The following ZSWIM6 variants were observed in gnomAD, a reference collection of about 807,000 sequenced individuals.
The protein encoded by ZSWIM6 is zinc finger SWIM-type containing 6, also known as zinc finger SWIM domain-containing protein 6.
A neutral mutation model predicts 113.2 loss-of-function variants in ZSWIM6; 9 were observed. That is an observed-to-expected ratio of 0.08 (90% CI 0.05 to 0.14). The LOEUF is 0.14. Among genes scored for constraint, ZSWIM6 ranks in the 10% least tolerant of loss-of-function variants. The probability of loss-of-function intolerance (pLI) is 1.00; values close to 1 mark genes in which losing one functional copy is unlikely to be tolerated. For missense variants in ZSWIM6, 1,162 were observed against 1,552.2 expected (o/e 0.75, Z 4.22); for synonymous variants, 611 against 606.5 (o/e 1.01, Z -0.11).
intron 2 of ZSWIM6, among the ~76,000 whole-genome samples, chr5:61,475,034 A>G (rs1016356232): frequency 1.3e-5 from 2 of 152,336 alleles, no homozygotes; most frequent in African/African-American, 4.8e-5. Flanking sequence ...TTTTTCAAGT[A>G]GGCTTCTGCT....
chr5:61,437,093 G>C (rs1202061290), intron 1 of ZSWIM6, among the ~76,000 whole-genome samples: 1 of 152,092 alleles, frequency 6.6e-6, no homozygotes, highest in African/African-American at 2.4e-5. Context: ...AAGCAAAAAG[G>C]GTTCTGCAAC....
intron 1 of ZSWIM6, among the ~76,000 whole-genome samples, chr5:61,403,181 ACT>A (rs1745974210): frequency 6.6e-6 from 1 of 152,178 alleles, no homozygotes; most frequent in African/African-American, 2.4e-5. Flanking sequence ...TCTTGAGGTA[ACT>A]CTAGTCCTTT....
chr5:61,354,731 T>G lies in ZSWIM6; in HGVS notation c.676+21783T>G, dbSNP rs572016185. Among the ~76,000 whole-genome samples the G allele has an allele frequency of 6.6e-5, 10 of 152,318 alleles. No homozygotes were observed. In the South Asian group the frequency reaches 2.1e-3, roughly 32 times the overall value. On this transcript the variant is annotated intron_variant, in intron 1 of 13. Transcript: ENST00000252744. ...AATTTAAATTCATACATCACTTGAT[T>G]CTAGAGTAAACCATTATCATACCCT...
At position 61,472,583 on chromosome 5, in the gene ZSWIM6, T is replaced by C. The variant is rs1428743457; in HGVS notation, c.677-98T>C. The C allele has an allele frequency of 1.7e-5, 16 of 940,056 alleles. No individual in the cohort carries two copies. The highest frequency in any genetic ancestry group is 1.4e-5 in the Non-Finnish European group (9 of 661,400). 58.2% of individuals were successfully genotyped at this position (940,056 alleles called of 1,614,324 possible). On this transcript the variant is annotated intron_variant, in intron 1 of 13. Transcript: ENST00000252744. This position sits in a 1 kb window ranked among gnomAD's most constrained non-coding sequence, Gnocchi z 4.1. ...ATATAGAGGCTGTCATATTTTTTTC[T>C]TGCTGCTGTCAAGTCCCACACATTT...
chr5:61,435,648 G>T (rs1392585764), intron 1 of ZSWIM6, among the ~76,000 whole-genome samples: 1 of 152,164 alleles, frequency 6.6e-6, no homozygotes, highest in Non-Finnish European at 1.5e-5. Flanking sequence ...TTTAAATCAG[G>T]ATAACTATTC....
intron 9 of ZSWIM6, 24 bp downstream of exon 9, chr5:61,531,749 A>T: frequency 6.5e-7 from 1 of 1,548,420 alleles, no homozygotes; most frequent in Non-Finnish European, 8.7e-7. Flanking sequence ...GAAGTTTTCC[A>T]CTTATTTAGC....
intron 1 of ZSWIM6, among the ~76,000 whole-genome samples, chr5:61,353,020 TC>T (rs950609178): frequency 6.6e-6 from 1 of 152,126 alleles, no homozygotes; most frequent in African/African-American, 2.4e-5. Context: ...AACTTTTTTT[TC>T]CCCGTCTGTT....
chr5:61,369,194 A>G (rs1215035657), intron 1 of ZSWIM6, among the ~76,000 whole-genome samples: 1 of 152,214 alleles, frequency 6.6e-6, no homozygotes, highest in Non-Finnish European at 1.5e-5. Context: ...CTGAAGACCC[A>G]GTGACTTTAA....
intron 1 of ZSWIM6, among the ~76,000 whole-genome samples, chr5:61,393,035 A>G (rs1745757471): frequency 6.6e-6 from 1 of 151,104 alleles, no homozygotes; most frequent in African/African-American, 2.4e-5. Context: ...ACCTTTTTAT[A>G]TTTATTTATT....
intron 1 of ZSWIM6, among the ~76,000 whole-genome samples, chr5:61,429,688 T>G (rs547146191): frequency 6.6e-6 from 1 of 152,162 alleles, no homozygotes; most frequent in Admixed American, 6.5e-5. Flanking sequence ...AGCCGTCCTG[T>G]GTGTGTATGT....
At chr5:61,347,642 A>G (rs900785972) in intron 1 of ZSWIM6, 11 of 152,266 alleles carry the variant, frequency 7.2e-5, no homozygotes, top group African/African-American at 2.7e-4. Context: ...CGTGCTTATG[A>G]AAATCCAGGA....
chr5:61,380,839 G>A (rs562716634), intron 1 of ZSWIM6, among the ~76,000 whole-genome samples: 4 of 152,150 alleles, frequency 2.6e-5, no homozygotes, highest in South Asian at 4.1e-4. Context: ...GGTGGCTCAC[G>A]CCTATAGTCC....
chr5:61,428,748 A>G (rs1746516980), intron 1 of ZSWIM6, among the ~76,000 whole-genome samples: 2 of 152,226 alleles, frequency 1.3e-5, no homozygotes, highest in Non-Finnish European at 2.9e-5. Flanking sequence ...GTCCCATTTC[A>G]TTAGATATCT....
chr5:61,341,184 C>T (rs1006598711), intron 1 of ZSWIM6, among the ~76,000 whole-genome samples: 1 of 152,074 alleles, frequency 6.6e-6, no homozygotes, highest in African/African-American at 2.4e-5. Context: ...CAAATTGTCC[C>T]ATCTAAATGG....
chr5:61,436,423 A>G (rs1202150663), intron 1 of ZSWIM6, among the ~76,000 whole-genome samples: 1 of 152,120 alleles, frequency 6.6e-6, no homozygotes, highest in Non-Finnish European at 1.5e-5. Context: ...TTTGCTAGGT[A>G]GGTGTCACAC....
At chr5:61,529,940 G>C (rs1364491346) in intron 7 of ZSWIM6, 112 bp from the exon 8 acceptor site, 2 of 934,100 alleles carry the variant, frequency 2.1e-6, no homozygotes, top group African/African-American at 1.7e-5. Context: ...ACAGAATTCA[G>C]AACTGGTTTA....
In ZSWIM6 at chr5:61,332,281, G is replaced by T; in HGVS notation, c.9G>T (p.Glu3Asp). The T allele has an allele frequency of 7.7e-6, 9 of 1,166,002 alleles. No homozygotes were observed. The highest frequency in any genetic ancestry group is 9.5e-6 in the Non-Finnish European group (9 of 943,978). 72.2% of individuals were successfully genotyped at this position (1,166,002 alleles called of 1,614,324 possible). Reference protein sequence around the residue: MAERGQQPPPAKR... With the variant: MADRGQQPPPAKR... ...TTAGAAGCGGCGCGGTCATGGCGGA[G>T]CGCGGACAGCAGCCTCCTCCCGCGA... is the stretch of plus-strand genomic sequence containing the variant. The change falls in exon 1 of 14, where the codon GAG becomes GAT. Residue 3 changes from glutamate to aspartate, a missense_variant. Around this residue, in one of 4 missense-constraint regions of ZSWIM6, gnomAD observed 333 missense variants for 293.4 expected, o/e 1.13. Coordinates refer to ENST00000252744, the MANE Select transcript of ZSWIM6 (RefSeq NM_020928.2).
In ZSWIM6 at chr5:61,531,681, C is replaced by T. The variant is rs1255535979; in HGVS notation, c.2201C>T (p.Thr734Ile). 2 of 1,551,696 alleles carry T rather than the reference C, an allele frequency of 1.3e-6. No homozygotes were observed. The highest frequency in any genetic ancestry group is 1.2e-5 in the South Asian group (1 of 84,064). The change falls in exon 9 of 14, where the codon ACA (threonine) becomes ATA (isoleucine). Residue 734 changes from threonine (T) to isoleucine (I), a missense_variant. Physicochemically the swap from Thr to Ile is moderately conservative, Grantham distance 89 (BLOSUM62 -1). Around this residue, in one of 4 missense-constraint regions of ZSWIM6, gnomAD observed 620 missense variants for 804.6 expected, o/e 0.77. Coordinates refer to ENST00000252744, the MANE Select transcript of ZSWIM6 (RefSeq NM_020928.2). Reference sequence around the variant, plus strand: ...CTTCAGGAAATTGAATTGGATGACACACTGGTGAAAATTTTTCGCAAGCAA... The same window carrying T: ...CTTCAGGAAATTGAATTGGATGACATACTGGTGAAAATTTTTCGCAAGCAA... ...SKLQEIELDDTLVKIFRKQAV... is the reference protein window; with the variant it reads ...SKLQEIELDDILVKIFRKQAV...
chr5:61,426,262 C>A (rs903343448), intron 1 of ZSWIM6, among the ~76,000 whole-genome samples: 1 of 152,122 alleles, frequency 6.6e-6, no homozygotes, highest in Admixed American at 6.5e-5. Context: ...TACATATAAA[C>A]CTTCTATATT....
Sources: allele counts gnomAD v4.1 joint callset (sites outside exome capture counted in the v4.1 genomes callset), GRCh38; gene constraint gnomAD v4.1.1; regional missense constraint gnomAD v4.1.1; non-coding constraint Gnocchi (gnomAD v3.1); transcripts MANE v1.5; gene names NCBI Gene and HGNC (gene_info 2026-07-23, HGNC 2026-07-21).